The following HS6ST3 variants were observed in gnomAD, a reference collection of about 807,000 sequenced individuals.
The protein encoded by HS6ST3 is heparan-sulfate 6-O-sulfotransferase 3.
In HS6ST3, 12 loss-of-function variants were observed where a neutral mutation model predicts 36.7. The observed-to-expected ratio is 0.33, with a 90% CI of 0.21 to 0.53. The LOEUF is 0.53. HS6ST3 is among the 20% of genes least tolerant of loss of function. The pLI, the probability that HS6ST3 is intolerant of heterozygous loss-of-function variation, is 0.95. For missense variants in HS6ST3, 584 were observed against 640.9 expected, an observed-to-expected ratio of 0.91 and a Z score of 0.96; for synonymous variants, 240 against 257.5, an observed-to-expected ratio of 0.93 and a Z score of 0.65.
At chr13:96,320,773 A>T (rs1440901475) in intron 1 of HS6ST3, among the ~76,000 whole-genome samples, 1 of 152,188 alleles carries the variant, frequency 6.6e-6, no homozygotes, top group Non-Finnish European at 1.5e-5. Context: ...AAGATCAAGA[A>T]TACTGGGGAC....
intron 1 of HS6ST3, among the ~76,000 whole-genome samples, chr13:96,433,566 T>C (rs769022239): frequency 3.3e-5 from 5 of 152,222 alleles, no homozygotes; most frequent in African/African-American, 4.8e-5. Context: ...CTGTGTAAGA[T>C]GTGCCTTTGC....
At chr13:96,456,436 A>C (rs930071327) in intron 1 of HS6ST3, among the ~76,000 whole-genome samples, 30 of 152,288 alleles carry the variant, frequency 2.0e-4, no homozygotes, top group Middle Eastern at 3.4e-3. Context: ...AATTACATGA[A>C]TTACTGATGT....
At chr13:96,776,084 A>G (rs1201208369) in intron 1 of HS6ST3, among the ~76,000 whole-genome samples, 1 of 152,212 alleles carries the variant, frequency 6.6e-6, no homozygotes, top group Non-Finnish European at 1.5e-5. Context: ...CTGCTCCTGA[A>G]TGACTATGGG....
chr13:96,820,380 C>T (rs762465219), intron 1 of HS6ST3, among the ~76,000 whole-genome samples: 2 of 151,988 alleles, frequency 1.3e-5, no homozygotes, highest in East Asian at 1.9e-4. Context: ...GAAGGGAGAA[C>T]GCTGAAGTGC....
intron 1 of HS6ST3, among the ~76,000 whole-genome samples, chr13:96,495,802 A>G (rs1027919072): frequency 2.0e-5 from 3 of 152,180 alleles, no homozygotes; most frequent in Admixed American, 6.5e-5. Flanking sequence ...TAGATTTGCA[A>G]AACTTTACAT....
intron 1 of HS6ST3, among the ~76,000 whole-genome samples, chr13:96,662,822 G>T (rs2056651029): frequency 2.0e-5 from 3 of 152,032 alleles, no homozygotes; most frequent in South Asian, 4.1e-4. Flanking sequence ...ACTTTATATT[G>T]GTTAGGGTCT....
chr13:96,329,588 A>T (rs2055053355), intron 1 of HS6ST3, among the ~76,000 whole-genome samples: 1 of 128,880 alleles, frequency 7.8e-6, no homozygotes, highest in Non-Finnish European at 1.6e-5. Flanking sequence ...TGCTGAGGAG[A>T]GCTTTACTTC....
chr13:96,782,327 A>T (rs180845643), intron 1 of HS6ST3, among the ~76,000 whole-genome samples: 261 of 152,326 alleles, frequency 1.7e-3, no homozygotes, highest in African/African-American at 5.8e-3. Context: ...AACAGTCGCC[A>T]TGAACACATC....
intron 1 of HS6ST3, among the ~76,000 whole-genome samples, chr13:96,813,914 G>A (rs1369271811): frequency 1.3e-5 from 2 of 152,170 alleles, no homozygotes; most frequent in Admixed American, 1.3e-4. Context: ...ATCACAGATG[G>A]TTGTAACTTT....
intron 1 of HS6ST3, among the ~76,000 whole-genome samples, chr13:96,254,716 A>G (rs1204299648): frequency 6.6e-6 from 1 of 151,782 alleles, no homozygotes; most frequent in Non-Finnish European, 1.5e-5. Context: ...GATATGGAAA[A>G]CTCAAAGGGA....
chr13:96,785,813 T>C (rs111348032), intron 1 of HS6ST3, among the ~76,000 whole-genome samples: 77 of 152,314 alleles, frequency 5.1e-4, no homozygotes, highest in African/African-American at 1.6e-3. Flanking sequence ...ATTCTGGACA[T>C]ACACATATAC....
At chr13:96,675,524 A>C (rs1430420077) in intron 1 of HS6ST3, among the ~76,000 whole-genome samples, 4 of 152,056 alleles carry the variant, frequency 2.6e-5, no homozygotes, top group African/African-American at 4.8e-5. Context: ...CAAGAAACAA[A>C]TGGGTGGGAA....
intron 1 of HS6ST3, among the ~76,000 whole-genome samples, chr13:96,435,790 T>G (rs2055638736): frequency 7.7e-6 from 1 of 129,902 alleles, no homozygotes; most frequent in Non-Finnish European, 1.6e-5. Context: ...AGTTTTTCCC[T>G]AAGTTATCAC....
intron 1 of HS6ST3, among the ~76,000 whole-genome samples, chr13:96,659,993 A>G (rs139405833): frequency 2.0e-5 from 3 of 152,266 alleles, no homozygotes; most frequent in African/African-American, 7.2e-5. Context: ...GATTTGATTT[A>G]TAGATGCACT....
At chr13:96,259,939 G>T (rs2054655860) in intron 1 of HS6ST3, among the ~76,000 whole-genome samples, 1 of 151,988 alleles carries the variant, frequency 6.6e-6, no homozygotes, top group East Asian at 1.9e-4. Flanking sequence ...ATTTGGGTAT[G>T]TAGCAATATT....
intron 1 of HS6ST3, among the ~76,000 whole-genome samples, chr13:96,175,329 T>C (rs1254117347): frequency 6.6e-6 from 1 of 151,964 alleles, no homozygotes; most frequent in Non-Finnish European, 1.5e-5. Flanking sequence ...GTGAGCAGTC[T>C]GATACCTAGC....
At chr13:96,812,606 G>A (rs1330441801) in intron 1 of HS6ST3, among the ~76,000 whole-genome samples, 1 of 152,114 alleles carries the variant, frequency 6.6e-6, no homozygotes, top group Non-Finnish European at 1.5e-5. Flanking sequence ...GCACAGAACG[G>A]CAGTTTGCCT....
intron 1 of HS6ST3, among the ~76,000 whole-genome samples, chr13:96,597,083 C>G (rs775428521): frequency 6.6e-6 from 1 of 152,078 alleles, no homozygotes. Context: ...CAAACTAATG[C>G]AGGAACAGAA....
At chr13:96,523,610 A>C (rs1435760883) in intron 1 of HS6ST3, among the ~76,000 whole-genome samples, 1 of 150,084 alleles carries the variant, frequency 6.7e-6, no homozygotes, top group Admixed American at 6.6e-5. Flanking sequence ...TCTTTATTTC[A>C]TTAATTTGAT....
Sources: gnomAD v4.1 joint callset for allele counts (sites outside exome capture counted in the v4.1 genomes callset) on GRCh38, gnomAD v4.1.1 for gene constraint, MANE v1.5 for transcripts, NCBI Gene and HGNC (gene_info 2026-07-23, HGNC 2026-07-21) for gene names.